Variants in DDR2 observed in about 807,000 individuals in gnomAD.
The protein encoded by DDR2 is discoidin domain receptor tyrosine kinase 2, also known as discoidin domain-containing receptor 2.
DDR2 carries 27 observed loss-of-function variants against 94.9 expected under a neutral mutation model. The observed-to-expected ratio is 0.28, with a 90% CI of 0.21 to 0.39. DDR2 has a LOEUF of 0.39. Among genes scored for constraint, DDR2 ranks in the 10% least tolerant of loss-of-function variants. The pLI is 1.00. For missense variants in DDR2, 783 were observed against 1,076.0 expected, an observed-to-expected ratio of 0.73 and a Z score of 3.81; for synonymous variants, 382 against 377.2, an observed-to-expected ratio of 1.01 and a Z score of -0.15.
intron 2 of DDR2, among the ~76,000 whole-genome samples, chr1:162,680,152 A>G (rs1400320778): frequency 6.6e-6 from 1 of 151,908 alleles, no homozygotes; most frequent in Non-Finnish European, 1.5e-5. Context: ...CTCATTGGTA[A>G]ATTTCTGTTT....
intron 1 of DDR2, among the ~76,000 whole-genome samples, chr1:162,648,919 C>A (rs958337120): frequency 2.0e-5 from 3 of 152,166 alleles, no homozygotes; most frequent in Admixed American, 1.3e-4. Flanking sequence ...CTGTTTCACC[C>A]TTTGTTACTG....
chr1:162,692,279 C>T (rs1453061574), intron 2 of DDR2, among the ~76,000 whole-genome samples: 1 of 152,158 alleles, frequency 6.6e-6, no homozygotes, highest in Non-Finnish European at 1.5e-5. Flanking sequence ...CAGCTCCAAG[C>T]CACAGAAAGC....
chr1:162,715,876 A>G (rs1661145507), intron 2 of DDR2, among the ~76,000 whole-genome samples: 1 of 152,208 alleles, frequency 6.6e-6, no homozygotes, highest in African/African-American at 2.4e-5. Flanking sequence ...AATTTTAGGC[A>G]AAACAGAAAA....
intron 3 of DDR2, among the ~76,000 whole-genome samples, chr1:162,734,296 C>T (rs1214522155): frequency 6.6e-6 from 1 of 152,208 alleles, no homozygotes; most frequent in Non-Finnish European, 1.5e-5. Context: ...ACTCCCAGGA[C>T]TTTGTTTTTA....
chr1:162,660,898 A>T (rs760242186), intron 2 of DDR2, among the ~76,000 whole-genome samples: 4 of 152,260 alleles, frequency 2.6e-5, no homozygotes, highest in Non-Finnish European at 5.9e-5. Flanking sequence ...AGGAGACTGC[A>T]TGACACACAA....
At chr1:162,648,965 T>C (rs1657549809) in intron 1 of DDR2, among the ~76,000 whole-genome samples, 1 of 152,106 alleles carries the variant, frequency 6.6e-6, no homozygotes, top group Non-Finnish European at 1.5e-5. Context: ...CTAGGACTAC[T>C]TGTTGCTTCT....
chr1:162,756,622 G>A (rs545041351), intron 7 of DDR2, among the ~76,000 whole-genome samples: 19 of 152,282 alleles, frequency 1.2e-4, no homozygotes, highest in African/African-American at 4.6e-4. Flanking sequence ...GACAGGGCTC[G>A]AGAGAAGGAG....
At chr1:162,745,031 T>A (rs74709103) in intron 3 of DDR2, among the ~76,000 whole-genome samples, 1,865 of 152,356 alleles carry the variant, frequency 0.012, 36 homozygotes, top group African/African-American at 0.043. Context: ...ATGATAGTCA[T>A]CCTGACATGT....
At chr1:162,684,326 A>T (rs781167455) in intron 2 of DDR2, among the ~76,000 whole-genome samples, 8 of 152,148 alleles carry the variant, frequency 5.3e-5, no homozygotes, top group Non-Finnish European at 1.0e-4. Flanking sequence ...TTTTTTAAGC[A>T]TAAGGAATTC....
chr1:162,704,181 A>G (rs771369281), intron 2 of DDR2, among the ~76,000 whole-genome samples: 2 of 152,210 alleles, frequency 1.3e-5, no homozygotes, highest in Non-Finnish European at 2.9e-5. Context: ...TGGCAGAGGT[A>G]CCATTTATTA....
At chr1:162,682,159 G>A in intron 2 of DDR2, among the ~76,000 whole-genome samples, 1 of 152,088 alleles carries the variant, frequency 6.6e-6, no homozygotes, top group East Asian at 1.9e-4. Context: ...GGAGGGTGGG[G>A]GTCCATGTTT....
intron 2 of DDR2, among the ~76,000 whole-genome samples, chr1:162,679,292 C>A (rs373946692): frequency 6.6e-6 from 1 of 151,894 alleles, no homozygotes; most frequent in African/African-American, 2.4e-5. Flanking sequence ...TGAGAACATG[C>A]GATATTTGGT....
chr1:162,668,415 A>C (rs1386215354), intron 2 of DDR2, among the ~76,000 whole-genome samples: 2 of 152,198 alleles, frequency 1.3e-5, no homozygotes, highest in Non-Finnish European at 2.9e-5. Context: ...GTAACAAGTG[A>C]TCACAAACTG....
chr1:162,718,330 A>C (rs573130487), intron 2 of DDR2, among the ~76,000 whole-genome samples: 6 of 152,318 alleles, frequency 3.9e-5, no homozygotes, highest in African/African-American at 1.4e-4. Context: ...ATTAGAAATC[A>C]AGATCTGAGC....
intron 2 of DDR2, among the ~76,000 whole-genome samples, chr1:162,660,764 G>T (rs192515974): frequency 1.3e-5 from 2 of 152,304 alleles, no homozygotes; most frequent in Admixed American, 1.3e-4. Context: ...GTGGCCTGCT[G>T]GTGGCATCCA....
chr1:162,719,171 T>A (rs767741072), intron 3 of DDR2, 26 bp downstream of exon 3: 2 of 1,613,462 alleles, frequency 1.2e-6, no homozygotes, highest in East Asian at 4.5e-5. Context: ...CTCAGCTATA[T>A]GCTAGAAGAC....
At chr1:162,777,918 A>G (rs976647844) in intron 16 of DDR2, 9 of 154,758 alleles carry the variant, frequency 5.8e-5, no homozygotes, top group African/African-American at 1.9e-4. Flanking sequence ...GGTCAGAAAC[A>G]GAGGAGGTCA....
chr1:162,776,278 A>C lies in DDR2; in HGVS notation c.2191A>C (p.Met731Leu). ...CACAATCAAGATAGCTGACTTTGGA[A>C]TGAGCAGGAACCTGTACAGTGGTGA... ...NYTIKIADFG[M>L]SRNLYSGDYY... Residue 731 changes from methionine to leucine, a missense_variant, in exon 16 of 18, where the codon ATG becomes CTG. By Grantham distance (15) the Met-to-Leu change is conservative. This residue lies in a region of DDR2 where 264 missense variants were observed against 428.2 expected (regional missense o/e 0.62). Coordinates refer to ENST00000367921, the MANE Select transcript of DDR2 (RefSeq NM_006182.4). 1 of 1,613,942 alleles carries C rather than the reference A, an allele frequency of 6.2e-7. No homozygotes were observed. Among genetic ancestry groups the C allele is most frequent in the Non-Finnish European group, 8.5e-7 (1 of 1,179,958 alleles).
intron 2 of DDR2, among the ~76,000 whole-genome samples, chr1:162,682,217 A>C (rs1178047591): frequency 6.6e-6 from 1 of 152,156 alleles, no homozygotes; most frequent in African/African-American, 2.4e-5. Context: ...CTGTTTGCCC[A>C]GGCTTAAGTA....
Sources: gnomAD v4.1 joint callset for allele counts (sites outside exome capture counted in the v4.1 genomes callset) on GRCh38, gnomAD v4.1.1 for gene constraint, gnomAD v4.1.1 regional missense constraint, MANE v1.5 for transcripts, NCBI Gene and HGNC (gene_info 2026-07-23, HGNC 2026-07-21) for gene names.